NXPH1: variants seen among roughly 807,000 people sequenced by gnomAD.
NXPH1 encodes neurexophilin-1.
Under a neutral mutation model 23.7 loss-of-function variants are expected in NXPH1, and 5 were observed. The observed-to-expected ratio is 0.21, with a 90% CI of 0.11 to 0.44. The LOEUF is 0.44. NXPH1 is among the 20% of genes least tolerant of loss of function. NXPH1 has a pLI of 0.99. For synonymous variants in NXPH1, 144 were observed against 122.2 expected (o/e 1.18, Z -1.18); for missense variants, 324 against 321.6 (o/e 1.01, Z -0.06).
intron 2 of NXPH1, among the ~76,000 whole-genome samples, chr7:8,473,025 G>A (rs926186695): frequency 2.0e-5 from 3 of 152,156 alleles, no homozygotes; most frequent in African/African-American, 7.2e-5. Flanking sequence ...CCAGTGTTAT[G>A]TGCTGCTCTC....
At chr7:8,444,213 T>A (rs904363781) in intron 2 of NXPH1, among the ~76,000 whole-genome samples, 4 of 152,216 alleles carry the variant, frequency 2.6e-5, no homozygotes, top group Admixed American at 1.3e-4. Flanking sequence ...GGAGCAGAGA[T>A]CTGGCATGTA....
chr7:8,545,088 T>G (rs1192357244), intron 2 of NXPH1, among the ~76,000 whole-genome samples: 1 of 151,548 alleles, frequency 6.6e-6, no homozygotes, highest in East Asian at 1.9e-4. Flanking sequence ...CAACATGTTA[T>G]CAAGCAGCTA....
chr7:8,472,923 T>G (rs1004158979), intron 2 of NXPH1, among the ~76,000 whole-genome samples: 11 of 152,148 alleles, frequency 7.2e-5, no homozygotes, highest in African/African-American at 2.7e-4. Flanking sequence ...TGTTCTGAGA[T>G]CTCAGTTTCT....
At chr7:8,560,027 T>A (rs1357474633) in intron 2 of NXPH1, among the ~76,000 whole-genome samples, 3 of 151,712 alleles carry the variant, frequency 2.0e-5, no homozygotes, top group Non-Finnish European at 4.4e-5. Flanking sequence ...AGGCATTATT[T>A]ATGAAGAAAA....
intron 2 of NXPH1, among the ~76,000 whole-genome samples, chr7:8,463,005 C>T (rs1816720758): frequency 6.6e-6 from 1 of 152,268 alleles, no homozygotes; most frequent in East Asian, 1.9e-4. Context: ...GTAGGTGTTA[C>T]ATAGATTCCT....
intron 2 of NXPH1, among the ~76,000 whole-genome samples, chr7:8,622,381 T>C (rs543150351): frequency 2.4e-4 from 37 of 152,318 alleles, no homozygotes; most frequent in African/African-American, 8.7e-4. Flanking sequence ...GAGCTGTGAC[T>C]TGAATTCAGG....
At chr7:8,630,316 C>CTTCTTCTT (rs1211816610) in intron 2 of NXPH1, among the ~76,000 whole-genome samples, 3 of 152,164 alleles carry the variant, frequency 2.0e-5, no homozygotes, top group African/African-American at 7.2e-5. Flanking sequence ...AGAATTAAAA[C>CTTCTTCTT]TGTACAGTGT....
chr7:8,627,735 T>C (rs1020246883), intron 2 of NXPH1, among the ~76,000 whole-genome samples: 2 of 152,070 alleles, frequency 1.3e-5, no homozygotes, highest in African/African-American at 2.4e-5. Flanking sequence ...CTTCAATGGA[T>C]TAAAAAAAAT....
At chr7:8,590,608 A>C (rs1819073552) in intron 2 of NXPH1, among the ~76,000 whole-genome samples, 1 of 152,112 alleles carries the variant, frequency 6.6e-6, no homozygotes, top group African/African-American at 2.4e-5. Context: ...CATGAACAAT[A>C]AATGTTAAAA....
chr7:8,596,278 G>A (rs10226897), intron 2 of NXPH1, among the ~76,000 whole-genome samples: 432 of 152,146 alleles, frequency 2.8e-3, no homozygotes, highest in African/African-American at 1.0e-2. Flanking sequence ...GGAACAGAAT[G>A]ACAGCATTGG....
chr7:8,658,348 G>A (rs1361833980), intron 2 of NXPH1, among the ~76,000 whole-genome samples: 1 of 152,144 alleles, frequency 6.6e-6, no homozygotes, highest in African/African-American at 2.4e-5. Context: ...TGTTTGATTA[G>A]TGAACACATT....
intron 2 of NXPH1, among the ~76,000 whole-genome samples, chr7:8,543,845 T>C (rs1584222674): frequency 6.6e-6 from 1 of 151,668 alleles, no homozygotes; most frequent in East Asian, 1.9e-4. Flanking sequence ...CCAGGTGTTT[T>C]AATTTTTAAT....
chr7:8,633,140 T>C (rs1820159999), intron 2 of NXPH1, among the ~76,000 whole-genome samples: 1 of 152,148 alleles, frequency 6.6e-6, no homozygotes, highest in Admixed American at 6.5e-5. Flanking sequence ...ATCATTAAAA[T>C]AAAAGTAACA....
chr7:8,703,725 C>A (rs187757761), intron 2 of NXPH1, among the ~76,000 whole-genome samples: 63 of 152,184 alleles, frequency 4.1e-4, no homozygotes, highest in African/African-American at 1.3e-3. Context: ...TTTCTTTAAA[C>A]CCTTGTTTCA....
chr7:8,724,587 T>C (rs548929376), intron 2 of NXPH1, among the ~76,000 whole-genome samples: 1 of 152,360 alleles, frequency 6.6e-6, no homozygotes, highest in East Asian at 1.9e-4. Flanking sequence ...TTACAGCATC[T>C]CTAGTCATTT....
chr7:8,742,928 CTT>C (rs1485708227), intron 2 of NXPH1, among the ~76,000 whole-genome samples: 2 of 152,076 alleles, frequency 1.3e-5, no homozygotes, highest in Non-Finnish European at 2.9e-5. Flanking sequence ...AAGCTGAAGA[CTT>C]TGCTATTGAC....
At chr7:8,552,613 A>C (rs1818297235) in intron 2 of NXPH1, among the ~76,000 whole-genome samples, 1 of 151,444 alleles carries the variant, frequency 6.6e-6, no homozygotes, top group African/African-American at 2.4e-5. Flanking sequence ...AACTGTTTTC[A>C]CTCTAAAATG....
intron 2 of NXPH1, among the ~76,000 whole-genome samples, chr7:8,592,850 C>T (rs562713332): frequency 4.5e-4 from 67 of 147,932 alleles, no homozygotes; most frequent in African/African-American, 1.7e-3. Flanking sequence ...TTAAATGTTC[C>T]AACCATTTAA....
chr7:8,598,676 G>A (rs1819285381), intron 2 of NXPH1, among the ~76,000 whole-genome samples: 1 of 152,142 alleles, frequency 6.6e-6, no homozygotes, highest in Admixed American at 6.6e-5. Context: ...TTTTCTGTTT[G>A]CAGTTTACAG....
Sources: allele counts gnomAD v4.1 joint callset (sites outside exome capture counted in the v4.1 genomes callset), GRCh38; gene constraint gnomAD v4.1.1; transcripts MANE v1.5; gene names NCBI Gene and HGNC (gene_info 2026-07-23, HGNC 2026-07-21).